Variants in PAH observed in about 807,000 individuals in gnomAD.
PAH encodes phenylalanine-4-hydroxylase.
A neutral mutation model predicts 62.0 loss-of-function variants in PAH; 64 were observed. The observed-to-expected ratio is 1.03, with a 90% confidence interval of 0.84 to 1.27. PAH has a LOEUF of 1.27. PAH is among the 50% of genes most tolerant of loss of function. The pLI is 0.00. For synonymous variants in PAH, 195 were observed against 196.2 expected (o/e 0.99, Z 0.05); for missense variants, 579 against 542.8 (o/e 1.07, Z -0.66).
intron 10 of PAH, 48 bp from the exon 11 acceptor site, chr12:102,843,827 G>C (rs1874708619): frequency 6.3e-7 from 1 of 1,597,478 alleles, no homozygotes; most frequent in African/African-American, 1.3e-5. Context: ...ATCAGGATCA[G>C]TATTCCCTGC....
chr12:102,894,480 A>G (rs1877411448), intron 3 of PAH, among the ~76,000 whole-genome samples: 1 of 151,768 alleles, frequency 6.6e-6, no homozygotes, highest in South Asian at 2.1e-4. Context: ...GGGAAAAATA[A>G]CTAAAATTCA....
upstream of PAH, among the ~76,000 whole-genome samples, chr12:102,921,386 A>G (rs1347402300): frequency 6.6e-6 from 1 of 152,108 alleles, no homozygotes; most frequent in Non-Finnish European, 1.5e-5. Flanking sequence ...GATTTGTTGC[A>G]ATAATTTCTG....
upstream of PAH, among the ~76,000 whole-genome samples, chr12:102,921,176 A>G (rs1336395342): frequency 6.6e-6 from 1 of 152,194 alleles, no homozygotes; most frequent in Non-Finnish European, 1.5e-5. Flanking sequence ...TATACCTAAT[A>G]TGTGGTATTC....
chr12:102,936,975 C>T (rs7303664), intron 1 of PAH, among the ~76,000 whole-genome samples: 4,804 of 152,192 alleles, frequency 0.032, 262 homozygotes, highest in African/African-American at 0.11. Context: ...GGGCAGTTAC[C>T]CTCAAGCTGT....
chr12:102,951,499 G>A (rs1879761119), upstream of PAH, among the ~76,000 whole-genome samples: 1 of 152,216 alleles, frequency 6.6e-6, no homozygotes, highest in African/African-American at 2.4e-5. Flanking sequence ...GGAGCCAAGA[G>A]GAACAGACTT....
intron 12 of PAH, among the ~76,000 whole-genome samples, chr12:102,840,174 G>A (rs1874521774): frequency 6.6e-6 from 1 of 152,152 alleles, no homozygotes; most frequent in South Asian, 2.1e-4. Flanking sequence ...ATGATGGTAG[G>A]AGGTGGAGTG....
intron 1 of PAH, among the ~76,000 whole-genome samples, chr12:102,947,449 A>C (rs999748400): frequency 5.3e-5 from 8 of 152,230 alleles, no homozygotes; most frequent in African/African-American, 1.9e-4. Flanking sequence ...TTCAGATCCC[A>C]GGGAGGTCAG....
At chr12:102,918,418 C>T (rs1878465772), upstream of PAH, among the ~76,000 whole-genome samples, 1 of 151,916 alleles carries the variant, frequency 6.6e-6, no homozygotes, top group African/African-American at 2.4e-5. Flanking sequence ...CATCCCTCTC[C>T]TCCCACTGTT....
intron 5 of PAH, among the ~76,000 whole-genome samples, chr12:102,855,761 A>G (rs866751527): frequency 2.0e-5 from 3 of 152,136 alleles, no homozygotes; most frequent in Non-Finnish European, 4.4e-5. Context: ...CAGGGCATCT[A>G]AGTTAAAGCA....
intron 3 of PAH, among the ~76,000 whole-genome samples, chr12:102,892,339 CA>C (rs770341675): frequency 2.4e-4 from 37 of 152,070 alleles, no homozygotes; most frequent in Non-Finnish European, 3.5e-4. Flanking sequence ...CCTCTTGACC[CA>C]AAGTCTTTCC....
At chr12:102,843,543 G>C (rs1186514231) in intron 11 of PAH, 103 bp downstream of exon 11, 1 of 1,103,436 alleles carries the variant, frequency 9.1e-7, no homozygotes, top group Non-Finnish European at 1.4e-6. Context: ...GTACAAAGTT[G>C]CTGTAGACAT....
At chr12:102,880,258 G>T (rs1305292432) in intron 3 of PAH, among the ~76,000 whole-genome samples, 1 of 152,178 alleles carries the variant, frequency 6.6e-6, no homozygotes, top group Non-Finnish European at 1.5e-5. Context: ...CTGAACCTCT[G>T]TTGTCAGTGC....
intron 3 of PAH, among the ~76,000 whole-genome samples, chr12:102,887,189 GAAGA>G (rs1347553442): frequency 1.7e-4 from 26 of 151,896 alleles, no homozygotes; most frequent in Non-Finnish European, 2.9e-5. Flanking sequence ...AAAAGGGAAA[GAAGA>G]AAGAAGGAAG....
upstream of PAH, among the ~76,000 whole-genome samples, chr12:102,919,550 A>G (rs1286309038): frequency 6.6e-6 from 1 of 151,940 alleles, no homozygotes; most frequent in Non-Finnish European, 1.5e-5. Context: ...CATTCTTTCT[A>G]TATTTTTTTG....
chr12:102,844,347 C>T lies in PAH; in HGVS notation c.1054G>A (p.Gly352Ser). 1 of 1,611,198 alleles carries T rather than the reference C, an allele frequency of 6.2e-7. No homozygotes were observed. The highest frequency in any genetic ancestry group is 8.5e-7 in the Non-Finnish European group (1 of 1,177,372). The change falls in exon 10 of 13, where the codon GGT becomes AGT. Residue 352 changes from glycine to serine, a missense_variant. Physicochemically the swap from Gly to Ser is moderately conservative, Grantham distance 56. Transcript: ENST00000553106. The part of the protein sequence containing the change: ...AYGAGLLSSF[G>S]ELQYCLSEKP... ...TGTGAAGGTCATACCTGTAATTCAC[C>T]AAAGGATGACAGGAGCCCAGCACCA...
At chr12:102,882,651 TATATATATATATATATATATATATAA>T (rs1334880126) in intron 3 of PAH, among the ~76,000 whole-genome samples, 1 of 56,742 alleles carries the variant, frequency 1.8e-5, no homozygotes, top group African/African-American at 1.1e-4. Flanking sequence ...ACTATATATA[TATATATATATATATATATATATATAA>T]AATTTTTTTC....
At chr12:102,921,516 A>G (rs1003885954), upstream of PAH, among the ~76,000 whole-genome samples, 5 of 152,226 alleles carry the variant, frequency 3.3e-5, no homozygotes, top group African/African-American at 1.2e-4. Context: ...ACAATAAAAC[A>G]AGTAATTTTG....
At chr12:102,908,453 A>G (rs1878067454) in intron 2 of PAH, among the ~76,000 whole-genome samples, 1 of 152,224 alleles carries the variant, frequency 6.6e-6, no homozygotes, top group Non-Finnish European at 1.5e-5. Context: ...TTACAGATAT[A>G]TTCTTTCTCA....
chr12:102,948,709 C>G (rs909513649), intron 1 of PAH, among the ~76,000 whole-genome samples: 3 of 152,178 alleles, frequency 2.0e-5, no homozygotes, highest in African/African-American at 4.8e-5. Context: ...GTAATGGAGA[C>G]TGTCTTATCA....
Sources: gnomAD v4.1 joint callset for allele counts (sites outside exome capture counted in the v4.1 genomes callset) on GRCh38, gnomAD v4.1.1 for gene constraint, MANE v1.5 for transcripts, NCBI Gene and HGNC (gene_info 2026-07-23, HGNC 2026-07-21) for gene names.